The following POU6F2 variants were observed in gnomAD, a reference collection of about 807,000 sequenced individuals.
POU6F2 encodes the protein POU domain, class 6, transcription factor 2.
A neutral mutation model predicts 71.3 loss-of-function variants in POU6F2; 31 were observed. The observed-to-expected ratio is 0.43, with a 90% confidence interval of 0.33 to 0.59. The LOEUF (loss-of-function observed/expected upper bound fraction) is 0.59, where lower values mean the gene tolerates loss of function less well. Ranked by LOEUF, POU6F2 falls within the 20% of genes least tolerant of loss-of-function variation. The probability of loss-of-function intolerance (pLI) is 0.04; values close to 1 mark genes in which losing one functional copy is unlikely to be tolerated. For missense variants in POU6F2, 783 were observed against 856.8 expected, an observed-to-expected ratio of 0.91 and a Z score of 1.07; for synonymous variants, 347 against 355.7, an observed-to-expected ratio of 0.98 and a Z score of 0.27.
chr7:39,107,356 C>T (rs1791712053), intron 2 of POU6F2, among the ~76,000 whole-genome samples: 1 of 152,130 alleles, frequency 6.6e-6, no homozygotes, highest in African/African-American at 2.4e-5. Context: ...CTTATTGTTT[C>T]ATATGAGCTC....
chr7:39,272,577 A>G (rs1238956757), intron 4 of POU6F2, among the ~76,000 whole-genome samples: 2 of 152,206 alleles, frequency 1.3e-5, no homozygotes, highest in African/African-American at 4.8e-5. Context: ...TTGAGTTTGG[A>G]GCTCCCTGAA....
At chr7:39,124,335 G>T (rs141994081) in intron 2 of POU6F2, among the ~76,000 whole-genome samples, 1 of 152,108 alleles carries the variant, frequency 6.6e-6, no homozygotes, top group African/African-American at 2.4e-5. Context: ...ATAAGCCACC[G>T]CACCCAGCTG....
intron 4 of POU6F2, among the ~76,000 whole-genome samples, chr7:39,246,316 C>T (rs904275240): frequency 7.9e-5 from 12 of 152,134 alleles, no homozygotes; most frequent in Admixed American, 3.3e-4. Flanking sequence ...TGACATTTAA[C>T]TAAAGATGTG....
intron 4 of POU6F2, among the ~76,000 whole-genome samples, chr7:39,256,112 C>T (rs1422218454): frequency 1.3e-5 from 2 of 151,066 alleles, no homozygotes; most frequent in Non-Finnish European, 2.9e-5. Context: ...TTCTCTGTTC[C>T]ACATTGAGAT....
At chr7:39,067,447 T>G (rs995582543) in intron 1 of POU6F2, among the ~76,000 whole-genome samples, 7 of 151,992 alleles carry the variant, frequency 4.6e-5, no homozygotes, top group Non-Finnish European at 8.8e-5. Flanking sequence ...TTTAAAATCT[T>G]TTTTAAAAAC....
chr7:39,015,432 T>TAA (rs1311023907), intron 1 of POU6F2, among the ~76,000 whole-genome samples: 1 of 128,386 alleles, frequency 7.8e-6, no homozygotes, highest in African/African-American at 2.9e-5. Flanking sequence ...CTATTATATA[T>TAA]AATATATAAT....
At chr7:39,334,827 C>T (rs1785732494) in intron 4 of POU6F2, among the ~76,000 whole-genome samples, 2 of 152,168 alleles carry the variant, frequency 1.3e-5, no homozygotes, top group Non-Finnish European at 1.5e-5. Context: ...GGAGCAAAAG[C>T]ACACAATAAA....
intron 2 of POU6F2, among the ~76,000 whole-genome samples, chr7:39,103,903 G>A (rs139570094): frequency 3.9e-5 from 6 of 152,278 alleles, no homozygotes; most frequent in African/African-American, 7.2e-5. Context: ...CAAATATACA[G>A]AGTGAAAAGA....
chr7:39,158,926 C>G (rs957381351), intron 2 of POU6F2, among the ~76,000 whole-genome samples: 2 of 152,000 alleles, frequency 1.3e-5, no homozygotes, highest in East Asian at 3.9e-4. Context: ...AATCCCAGCA[C>G]TTTGGGAGGC....
At chr7:39,163,740 A>G (rs1738637338) in intron 2 of POU6F2, among the ~76,000 whole-genome samples, 1 of 152,242 alleles carries the variant, frequency 6.6e-6, no homozygotes, top group East Asian at 1.9e-4. Flanking sequence ...ACTATTTACA[A>G]TAGATCAGAA....
intron 7 of POU6F2, 109 bp downstream of exon 7, chr7:39,433,392 A>G: frequency 1.6e-5 from 19 of 1,195,208 alleles, no homozygotes; most frequent in Non-Finnish European, 2.2e-5. Flanking sequence ...AAAATAGTTG[A>G]TCTCACTCAT....
intron 2 of POU6F2, among the ~76,000 whole-genome samples, chr7:39,132,081 A>G (rs1410373630): frequency 6.6e-6 from 1 of 152,210 alleles, no homozygotes; most frequent in Non-Finnish European, 1.5e-5. Context: ...CTGTTATGCT[A>G]TCAAATACTA....
At chr7:39,264,011 C>T (rs73382906) in intron 4 of POU6F2, among the ~76,000 whole-genome samples, 2,666 of 152,276 alleles carry the variant, frequency 0.018, 69 homozygotes, top group African/African-American at 0.061. Flanking sequence ...ATTTTCTGCT[C>T]AATGGCAGGA....
At chr7:39,456,170 T>C (rs182296827) in intron 8 of POU6F2, among the ~76,000 whole-genome samples, 9 of 152,300 alleles carry the variant, frequency 5.9e-5, no homozygotes, top group Admixed American at 3.3e-4. Flanking sequence ...TGGTTAAAAG[T>C]GCTGGATCCA....
At chr7:38,988,039 T>C (rs955407101) in intron 1 of POU6F2, among the ~76,000 whole-genome samples, 3 of 152,062 alleles carry the variant, frequency 2.0e-5, no homozygotes, top group African/African-American at 7.2e-5. Flanking sequence ...AATTGCAGAG[T>C]ATGGCTTTAA....
At chr7:39,043,604 T>A (rs896666759) in intron 1 of POU6F2, among the ~76,000 whole-genome samples, 2 of 152,016 alleles carry the variant, frequency 1.3e-5, no homozygotes, top group African/African-American at 4.8e-5. Flanking sequence ...GGTGTCACAC[T>A]GGAGTAATTG....
intron 1 of POU6F2, among the ~76,000 whole-genome samples, chr7:39,057,272 A>T (rs766704380): frequency 1.2e-4 from 19 of 152,290 alleles, no homozygotes; most frequent in African/African-American, 4.6e-4. Context: ...GGCCATTTTT[A>T]TACCACCATT....
chr7:39,068,257 T>G (rs1415336443), intron 1 of POU6F2, among the ~76,000 whole-genome samples: 1 of 152,200 alleles, frequency 6.6e-6, no homozygotes, highest in East Asian at 1.9e-4. Flanking sequence ...GGAGAAATTC[T>G]AATACTTTCT....
At chr7:39,083,620 A>G (rs1480857136) in intron 1 of POU6F2, 1 of 151,410 alleles carries the variant, frequency 6.6e-6, no homozygotes, top group Non-Finnish European at 1.5e-5. Context: ...TGCCTCCCCC[A>G]TCTACCCCAA....
Sources: allele counts gnomAD v4.1 joint callset (sites outside exome capture counted in the v4.1 genomes callset), GRCh38; gene constraint gnomAD v4.1.1; transcripts MANE v1.5; gene names NCBI Gene and HGNC (gene_info 2026-07-23, HGNC 2026-07-21).